PIWIL3: variants seen among roughly 807,000 people sequenced by gnomAD.
The protein encoded by PIWIL3 is piwi like RNA-mediated gene silencing 3.
PIWIL3 carries 101 observed loss-of-function variants against 109.7 expected under a neutral mutation model. That is an observed-to-expected ratio of 0.92 (90% CI 0.78 to 1.09). The LOEUF (loss-of-function observed/expected upper bound fraction) is 1.09. PIWIL3 is among the 50% of genes least tolerant of loss of function. PIWIL3 has a pLI of 0.00. For synonymous variants in PIWIL3, 373 were observed against 376.4 expected (o/e 0.99, Z 0.10); for missense variants, 1,031 against 1,072.6 (o/e 0.96, Z 0.54).
chr22:24,773,745 C>A (rs1926265977), intron 1 of PIWIL3, among the ~76,000 whole-genome samples: 1 of 114,896 alleles, frequency 8.7e-6, no homozygotes, highest in Non-Finnish European at 1.7e-5. Context: ...GAGTCTCACT[C>A]ACTCTGTTGC....
At chr22:24,761,527 G>A (rs1009145736) in intron 2 of PIWIL3, among the ~76,000 whole-genome samples, 3 of 152,306 alleles carry the variant, frequency 2.0e-5, no homozygotes, top group Middle Eastern at 3.4e-3. Flanking sequence ...GTAGACAGAC[G>A]GGAATGATTT....
At chr22:24,724,209 C>A (rs560480568) in intron 18 of PIWIL3, among the ~76,000 whole-genome samples, 2 of 152,092 alleles carry the variant, frequency 1.3e-5, no homozygotes, top group African/African-American at 2.4e-5. Context: ...CTCCTACTCT[C>A]ATCACACATT....
chr22:24,724,074 C>T (rs1049226439), intron 18 of PIWIL3, among the ~76,000 whole-genome samples: 3 of 152,210 alleles, frequency 2.0e-5, no homozygotes, highest in African/African-American at 4.8e-5. Context: ...GTGGTGGAAG[C>T]GGTCTGCTAC....
intron 12 of PIWIL3, among the ~76,000 whole-genome samples, chr22:24,740,410 T>C (rs1555911328): frequency 1.3e-5 from 2 of 150,760 alleles, no homozygotes; most frequent in Non-Finnish European, 1.5e-5. Context: ...TAGCCAGACA[T>C]GGTGGCAGGT....
intron 1 of PIWIL3, among the ~76,000 whole-genome samples, chr22:24,771,543 T>C (rs1031147804): frequency 6.6e-6 from 1 of 151,980 alleles, no homozygotes; most frequent in Non-Finnish European, 1.5e-5. Flanking sequence ...TTTTGGATCC[T>C]GACTGGTGAG....
chr22:24,726,375 C>G (rs1029790760), intron 16 of PIWIL3, among the ~76,000 whole-genome samples: 1 of 151,958 alleles, frequency 6.6e-6, no homozygotes, highest in African/African-American at 2.4e-5. Flanking sequence ...CTCCACCTCC[C>G]GGGTTCACGC....
intron 1 of PIWIL3, among the ~76,000 whole-genome samples, chr22:24,772,659 C>T (rs938092077): frequency 3.3e-5 from 5 of 152,178 alleles, no homozygotes; most frequent in African/African-American, 4.8e-5. Flanking sequence ...GAAATCCGAA[C>T]GGCTGACCAG....
chr22:24,758,016 C>A lies in PIWIL3; in HGVS notation c.247G>T (p.Ala83Ser), dbSNP rs1254496629. The A allele has an allele frequency of 2.5e-6, 4 of 1,613,286 alleles. No homozygotes were observed. Among genetic ancestry groups the A allele is most frequent in the Non-Finnish European group, 3.4e-6 (4 of 1,179,844 alleles). The change falls in exon 4 of 21, where the codon GCT becomes TCT. Residue 83 changes from alanine (A) to serine (S), a missense_variant. Transcript: ENST00000616349. ...SQGVKEPGPE[A>S]GLHTAPLQER... ...TGCAAGGGCGCTGTATGCAACCCAG[C>A]CTCAGGTCCAGGTTCCTTCACCCCT...
chr22:24,728,438 C>A (rs746797039), intron 14 of PIWIL3, 64 bp from the exon 15 acceptor site: 13 of 1,596,006 alleles, frequency 8.1e-6, no homozygotes, highest in Non-Finnish European at 1.1e-5. Flanking sequence ...AAAGAAAAAC[C>A]ATCTGGAGCA....
chr22:24,756,807 CG>C, intron 4 of PIWIL3, 102 bp from the exon 5 acceptor site: 1 of 997,836 alleles, frequency 1.0e-6, no homozygotes, highest in Non-Finnish European at 1.5e-6. Context: ...GGGCTGGGCA[CG>C]GTGGCTCACG....
chr22:24,754,000 A>G lies in PIWIL3; in HGVS notation c.977+14T>C, dbSNP rs1924861767. On this transcript the variant is annotated intron_variant, in intron 8 of 20. Coordinates refer to ENST00000616349, the MANE Select transcript of PIWIL3 (RefSeq NM_001255975.1). ...GTTAAAGTGATTGGATAGGTTTTTA[A>G]AAGACAGACTTACTTTGTCAGAACA... is the stretch of plus-strand genomic sequence containing the variant. 2 of 1,580,796 alleles carry G rather than the reference A, an allele frequency of 1.3e-6. No homozygotes were observed. The highest frequency in any genetic ancestry group is 2.7e-5 in the African/African-American group (2 of 74,070).
At chr22:24,720,188 A>G (rs1213991599) in intron 19 of PIWIL3, among the ~76,000 whole-genome samples, 2 of 151,248 alleles carry the variant, frequency 1.3e-5, no homozygotes, top group Admixed American at 1.3e-4. Context: ...ATGGCCATAG[A>G]TAATTCTATT....
intron 18 of PIWIL3, 74 bp from the exon 19 acceptor site, chr22:24,723,329 CT>C: frequency 6.8e-7 from 1 of 1,467,546 alleles, no homozygotes; most frequent in Non-Finnish European, 9.4e-7. Context: ...ATTGAAACAT[CT>C]GCTTTACATT....
intron 1 of PIWIL3, among the ~76,000 whole-genome samples, chr22:24,773,402 C>A (rs932148157): frequency 6.6e-6 from 1 of 152,162 alleles, no homozygotes; most frequent in Non-Finnish European, 1.5e-5. Flanking sequence ...GGCAGGACCC[C>A]CTCCTGAGCT....
At chr22:24,730,482 T>A (rs947935343) in intron 14 of PIWIL3, among the ~76,000 whole-genome samples, 4 of 152,012 alleles carry the variant, frequency 2.6e-5, no homozygotes, top group Non-Finnish European at 4.4e-5. Flanking sequence ...TAGAGATTAA[T>A]GAAGCAGCAT....
At chr22:24,737,627 G>T (rs1193798749) in intron 12 of PIWIL3, among the ~76,000 whole-genome samples, 1 of 152,168 alleles carries the variant, frequency 6.6e-6, no homozygotes, top group Non-Finnish European at 1.5e-5. Context: ...GTGGGGTAGA[G>T]CATCAAGCAG....
intron 1 of PIWIL3, among the ~76,000 whole-genome samples, chr22:24,766,127 A>G (rs1183499809): frequency 1.3e-5 from 2 of 151,186 alleles, no homozygotes; most frequent in African/African-American, 4.9e-5. Flanking sequence ...CTGGAACTGC[A>G]GGTGCTGCCA....
intron 13 of PIWIL3, among the ~76,000 whole-genome samples, chr22:24,735,010 T>G (rs1316348507): frequency 6.6e-6 from 1 of 151,494 alleles, no homozygotes; most frequent in Non-Finnish European, 1.5e-5. Context: ...CTAGATGACA[T>G]TCTAAAAAGG....
At chr22:24,723,997 T>C (rs1190024532) in intron 18 of PIWIL3, among the ~76,000 whole-genome samples, 1 of 152,070 alleles carries the variant, frequency 6.6e-6, no homozygotes, top group Non-Finnish European at 1.5e-5. Flanking sequence ...TTTCTATGAG[T>C]ATCTGAATTT....
Sources: gnomAD v4.1 joint callset for allele counts (sites outside exome capture counted in the v4.1 genomes callset) on GRCh38, gnomAD v4.1.1 for gene constraint, MANE v1.5 for transcripts, NCBI Gene and HGNC (gene_info 2026-07-23, HGNC 2026-07-21) for gene names.